The following HTR2C variants were observed in gnomAD, a reference collection of about 807,000 sequenced individuals.
The protein encoded by HTR2C is 5-hydroxytryptamine (serotonin) receptor 2C, G protein-coupled.
Under a neutral mutation model 21.0 loss-of-function variants are expected in HTR2C, and 5 were observed. The observed-to-expected ratio is 0.24, with a 90% CI of 0.12 to 0.50. The LOEUF is 0.50. Ranked by LOEUF, HTR2C falls within the 20% of genes least tolerant of loss-of-function variation. The pLI, the probability that HTR2C is intolerant of heterozygous loss-of-function variation, is 0.98. For missense variants in HTR2C, 271 were observed against 371.2 expected, an observed-to-expected ratio of 0.73 and a Z score of 2.22; for synonymous variants, 150 against 145.3, an observed-to-expected ratio of 1.03 and a Z score of -0.23.
chrX:114,605,671 A>G (rs1928381998), intron 1 of HTR2C, among the ~76,000 whole-genome samples: 1 of 111,417 alleles, frequency 9.0e-6, no homozygotes, highest in African/African-American at 3.3e-5. Flanking sequence ...GCATTGCAGA[A>G]GAAAATAAGG....
intron 1 of HTR2C, chrX:114,589,838 C>A: frequency 3.1e-6 from 1 of 317,862 alleles, no homozygotes. Flanking sequence ...GTGCACTGAT[C>A]CCAACTGCAA....
intron 4 of HTR2C, among the ~76,000 whole-genome samples, chrX:114,762,251 A>C (rs1013128195): frequency 9.1e-6 from 1 of 110,388 alleles, no homozygotes; most frequent in Non-Finnish European, 1.9e-5. Flanking sequence ...AACCTAGACC[A>C]GAACTATATT....
At chrX:114,715,449 C>T (rs1932975634) in intron 2 of HTR2C, 2 of 246,429 alleles carry the variant, frequency 8.1e-6, no homozygotes, top group Admixed American at 4.7e-5. Context: ...TGAAGAGACA[C>T]CATTGTAAAT....
chrX:114,635,544 A>G (rs1191775026), intron 2 of HTR2C, among the ~76,000 whole-genome samples: 6 of 112,158 alleles, frequency 5.3e-5, no homozygotes, highest in African/African-American at 1.9e-4. Flanking sequence ...CTAACTTTGT[A>G]TCATTGAGAA....
At chrX:114,807,017 T>C (rs111220901) in intron 4 of HTR2C, among the ~76,000 whole-genome samples, 3,339 of 11,502 alleles carry the variant, frequency 0.29, 985 homozygotes, top group Admixed American at 0.47. Context: ...ATCACATATA[T>C]ACCATATATA....
chrX:114,819,643 T>C (rs1446662844), intron 4 of HTR2C, among the ~76,000 whole-genome samples: 3 of 112,645 alleles, frequency 2.7e-5, no homozygotes, highest in African/African-American at 9.7e-5. Context: ...GTGCACAATC[T>C]CCGTAAGCCA....
At chrX:114,803,611 C>T (rs1014245706) in intron 4 of HTR2C, among the ~76,000 whole-genome samples, 17 of 101,980 alleles carry the variant, frequency 1.7e-4, no homozygotes, top group African/African-American at 5.3e-4. Flanking sequence ...TGTTTGAGTT[C>T]ATTGTAGATT....
intron 4 of HTR2C, among the ~76,000 whole-genome samples, chrX:114,743,816 T>A (rs912926056): frequency 1.8e-5 from 2 of 112,099 alleles, no homozygotes; most frequent in Non-Finnish European, 3.8e-5. Flanking sequence ...CCCAGACACA[T>A]TATAATCAAA....
At chrX:114,801,074 G>C (rs143140577) in intron 4 of HTR2C, among the ~76,000 whole-genome samples, 1 of 111,197 alleles carries the variant, frequency 9.0e-6, no homozygotes, top group African/African-American at 3.3e-5. Flanking sequence ...AAGCAGACCT[G>C]TATATTCACA....
intron 2 of HTR2C, among the ~76,000 whole-genome samples, chrX:114,718,191 A>G (rs1368587159): frequency 1.8e-5 from 2 of 110,829 alleles, no homozygotes; most frequent in Non-Finnish European, 3.8e-5. Context: ...GCACCATCAC[A>G]TGGGGCTGAT....
chrX:114,833,382 G>C (rs782227245), intron 4 of HTR2C, among the ~76,000 whole-genome samples: 195 of 109,402 alleles, frequency 1.8e-3, no homozygotes, highest in Non-Finnish European at 2.1e-3. Flanking sequence ...TTCAGATCCT[G>C]TTATTGGTCT....
intron 2 of HTR2C, among the ~76,000 whole-genome samples, chrX:114,659,569 G>A (rs1187948016): frequency 9.0e-6 from 1 of 111,059 alleles, no homozygotes; most frequent in Non-Finnish European, 1.9e-5. Flanking sequence ...TGAAATACAA[G>A]GTAAGGCTGC....
chrX:114,662,372 C>A (rs1316764136), intron 2 of HTR2C, among the ~76,000 whole-genome samples: 1 of 111,089 alleles, frequency 9.0e-6, no homozygotes, highest in Non-Finnish European at 1.9e-5. Context: ...CAAATACATT[C>A]ACAACTTTAA....
At chrX:114,624,876 G>GA (rs201421789) in intron 2 of HTR2C, among the ~76,000 whole-genome samples, 10 of 110,944 alleles carry the variant, frequency 9.0e-5, no homozygotes, top group African/African-American at 3.3e-4. Context: ...CAAATTAGGG[G>GA]AAAAAAAATG....
At chrX:114,805,912 A>G (rs1275442867) in intron 4 of HTR2C, among the ~76,000 whole-genome samples, 4 of 95,152 alleles carry the variant, frequency 4.2e-5, no homozygotes, top group East Asian at 3.4e-4. Flanking sequence ...TCATATATAT[A>G]CCATATATAT....
intron 2 of HTR2C, among the ~76,000 whole-genome samples, chrX:114,642,499 C>G (rs782525683): frequency 1.8e-5 from 2 of 111,594 alleles, no homozygotes; most frequent in Non-Finnish European, 3.8e-5. Flanking sequence ...TATGTGATAC[C>G]ATCATATAGA....
At chrX:114,733,826 T>C (rs1313971655) in intron 4 of HTR2C, among the ~76,000 whole-genome samples, 7 of 111,015 alleles carry the variant, frequency 6.3e-5, no homozygotes, top group African/African-American at 2.0e-4. Context: ...GTCATGTTCA[T>C]AGAAATTCTG....
chrX:114,709,595 C>T (rs1932861286), intron 2 of HTR2C, among the ~76,000 whole-genome samples: 3 of 112,049 alleles, frequency 2.7e-5, no homozygotes, highest in South Asian at 7.4e-4. Context: ...AGTAGTCCTG[C>T]CAGCATATTC....
intron 4 of HTR2C, among the ~76,000 whole-genome samples, chrX:114,749,958 A>T (rs2069746059): frequency 8.9e-6 from 1 of 111,849 alleles, no homozygotes; most frequent in Admixed American, 9.5e-5. Flanking sequence ...TATACAGATA[A>T]CAGACTTTAA....
Sources: gnomAD v4.1 joint callset for allele counts (sites outside exome capture counted in the v4.1 genomes callset) on GRCh38, gnomAD v4.1.1 for gene constraint, MANE v1.5 for transcripts, NCBI Gene and HGNC (gene_info 2026-07-23, HGNC 2026-07-21) for gene names.